Variants in FAM110B observed in about 807,000 individuals in gnomAD.
The protein encoded by FAM110B is family with sequence similarity 110 member B.
In FAM110B, 6 loss-of-function variants were observed where a neutral mutation model predicts 20.4. That is an observed-to-expected ratio of 0.29 (90% CI 0.16 to 0.58). FAM110B has a LOEUF of 0.58. Among genes scored for constraint, FAM110B ranks in the 20% least tolerant of loss-of-function variants. FAM110B has a pLI of 0.90. For missense variants in FAM110B, 434 were observed against 498.2 expected, an observed-to-expected ratio of 0.87 and a Z score of 1.23; for synonymous variants, 226 against 214.1, an observed-to-expected ratio of 1.06 and a Z score of -0.49.
At chr8:58,035,996 G>A (rs373578793) in intron 2 of FAM110B, among the ~76,000 whole-genome samples, 44 of 152,210 alleles carry the variant, frequency 2.9e-4, no homozygotes, top group African/African-American at 9.6e-4. Flanking sequence ...GCAGTAGCCC[G>A]GGCCTCTATG....
At chr8:58,141,020 G>A (rs1242664496) in intron 3 of FAM110B, among the ~76,000 whole-genome samples, 1 of 152,114 alleles carries the variant, frequency 6.6e-6, no homozygotes, top group African/African-American at 2.4e-5. Flanking sequence ...CAGTACTCTT[G>A]TATTGTAAAT....
intron 1 of FAM110B, among the ~76,000 whole-genome samples, chr8:58,026,146 A>T (rs895364531): frequency 2.0e-5 from 3 of 152,232 alleles, no homozygotes; most frequent in Admixed American, 6.5e-5. Context: ...GTGCTTGTAT[A>T]TATTTGTACT....
At chr8:58,099,061 T>G (rs1806711802) in intron 3 of FAM110B, 1 of 152,254 alleles carries the variant, frequency 6.6e-6, no homozygotes, top group Non-Finnish European at 1.5e-5. Flanking sequence ...CTCTTCCCTG[T>G]TGATAGGAGG....
At chr8:58,128,807 A>T (rs1014573366) in intron 3 of FAM110B, among the ~76,000 whole-genome samples, 1 of 152,258 alleles carries the variant, frequency 6.6e-6, no homozygotes, top group Non-Finnish European at 1.5e-5. Flanking sequence ...CTTTGTCCAA[A>T]GACTAGAAAT....
intron 3 of FAM110B, among the ~76,000 whole-genome samples, chr8:58,095,081 G>A (rs1420990667): frequency 2.0e-5 from 3 of 152,014 alleles, no homozygotes; most frequent in African/African-American, 7.3e-5. Flanking sequence ...TATTTTTGTG[G>A]GATCGGTGGT....
chr8:58,011,312 C>G (rs1316246591), intron 1 of FAM110B, among the ~76,000 whole-genome samples: 1 of 152,196 alleles, frequency 6.6e-6, no homozygotes, highest in Non-Finnish European at 1.5e-5. Flanking sequence ...CCCCTCCTAA[C>G]ACATTTGCCA....
At chr8:58,075,008 A>G (rs1173142031) in intron 2 of FAM110B, among the ~76,000 whole-genome samples, 2 of 152,242 alleles carry the variant, frequency 1.3e-5, no homozygotes, top group African/African-American at 4.8e-5. Context: ...ACAATAGTTG[A>G]AGTAAACAAA....
chr8:58,148,405 T>C lies in FAM110B; in HGVS notation c.*1062T>C, dbSNP rs1233429238. The C allele has an allele frequency of 6.0e-6, 1 of 167,108 alleles. No individual in the cohort carries two copies. The highest frequency in any genetic ancestry group is 2.4e-5 in the African/African-American group (1 of 41,450). The allele number at this position is 167,108 out of a possible 1,614,324, so 10.4% of individuals were successfully genotyped here. ...TGATTCTGTTGTCTTGCATATGTTA[T>C]TCTCTCAGGCTGTGGATCTTTGTTA... On this transcript the variant is annotated 3_prime_UTR_variant, in exon 4 of 4. Coordinates refer to ENST00000519262, the MANE Select transcript of FAM110B (RefSeq NM_001377989.1).
At chr8:58,073,121 A>G (rs2150591721) in intron 2 of FAM110B, among the ~76,000 whole-genome samples, 2 of 152,342 alleles carry the variant, frequency 1.3e-5, no homozygotes, top group Middle Eastern at 3.4e-3. Context: ...GTTATTTTTC[A>G]CTGTAGTATT....
intron 3 of FAM110B, among the ~76,000 whole-genome samples, chr8:58,121,134 G>A (rs1375578651): frequency 6.6e-6 from 1 of 152,178 alleles, no homozygotes; most frequent in Admixed American, 6.5e-5. Flanking sequence ...CACTGTAATA[G>A]GATGAGGCGC....
In FAM110B at chr8:58,147,234, A is replaced by G. The variant is rs535105948; in HGVS notation, c.1004A>G (p.Asn335Ser). ...NSDLRNDDSA[N>S]DRVPYGISAI... Reference sequence around the variant, plus strand: ...GACCTTAGAAATGATGACAGTGCCAATGACCGCGTGCCGTATGGCATTTCT... The same window carrying G: ...GACCTTAGAAATGATGACAGTGCCAGTGACCGCGTGCCGTATGGCATTTCT... The change falls in exon 4 of 4, where the codon AAT becomes AGT. Residue 335 changes from asparagine (N) to serine (S), a missense_variant. Physicochemically the swap from Asn to Ser is conservative, Grantham distance 46. Transcript: ENST00000519262. 1.9e-6 allele frequency: 3 copies of G among 1,614,120 alleles called. No individual in the cohort carries two copies. The highest frequency in any genetic ancestry group is 2.5e-6 in the Non-Finnish European group (3 of 1,180,004).
chr8:58,047,545 C>T (rs1805349909), intron 2 of FAM110B, among the ~76,000 whole-genome samples: 1 of 148,886 alleles, frequency 6.7e-6, no homozygotes, highest in South Asian at 2.1e-4. Context: ...AGCAACTGAC[C>T]AGAGGCACTC....
At chr8:58,033,574 A>C (rs1805014480) in intron 2 of FAM110B, among the ~76,000 whole-genome samples, 3 of 152,076 alleles carry the variant, frequency 2.0e-5, no homozygotes, top group African/African-American at 7.2e-5. Context: ...CAAGCAAAAA[A>C]CCAAATAGCC....
At chr8:58,022,878 C>G (rs1417207368) in intron 1 of FAM110B, among the ~76,000 whole-genome samples, 2 of 152,176 alleles carry the variant, frequency 1.3e-5, no homozygotes, top group Admixed American at 1.3e-4. Flanking sequence ...ATTAGTCTCT[C>G]CAGGGGCAGA....
intron 3 of FAM110B, among the ~76,000 whole-genome samples, chr8:58,121,260 A>G (rs1168199286): frequency 6.6e-6 from 1 of 152,206 alleles, no homozygotes; most frequent in East Asian, 1.9e-4. Flanking sequence ...TGCAGCTTCA[A>G]TGGTCTCACT....
chr8:58,014,857 C>A (rs1216810579), intron 1 of FAM110B, among the ~76,000 whole-genome samples: 1 of 152,050 alleles, frequency 6.6e-6, no homozygotes. Context: ...GTACCATATT[C>A]TGCTATAAAT....
chr8:58,024,353 T>C (rs919993048), intron 1 of FAM110B, among the ~76,000 whole-genome samples: 1 of 152,202 alleles, frequency 6.6e-6, no homozygotes, highest in African/African-American at 2.4e-5. Flanking sequence ...GAGATGTCTC[T>C]AATTGTATAA....
intron 2 of FAM110B, among the ~76,000 whole-genome samples, chr8:58,047,391 C>T (rs1805340796): frequency 6.6e-6 from 1 of 152,030 alleles, no homozygotes; most frequent in African/African-American, 2.4e-5. Context: ...CTTGGGGATG[C>T]ATTCATAAAC....
intron 3 of FAM110B, among the ~76,000 whole-genome samples, chr8:58,135,843 G>T (rs1328429353): frequency 6.6e-6 from 1 of 152,076 alleles, no homozygotes; most frequent in Admixed American, 6.5e-5. Flanking sequence ...CTGAGATGAG[G>T]TGTGGGAACT....
Sources: allele counts gnomAD v4.1 joint callset (sites outside exome capture counted in the v4.1 genomes callset), GRCh38; gene constraint gnomAD v4.1.1; transcripts MANE v1.5; gene names NCBI Gene and HGNC (gene_info 2026-07-23, HGNC 2026-07-21).